The following SIPA1L1 variants were observed in gnomAD, a reference collection of about 807,000 sequenced individuals.
SIPA1L1 encodes the protein signal-induced proliferation-associated 1-like protein 1.
SIPA1L1 carries 26 observed loss-of-function variants against 162.7 expected under a neutral mutation model. The observed-to-expected ratio is 0.16, with a 90% CI of 0.12 to 0.22. SIPA1L1 has a LOEUF of 0.22. Ranked by LOEUF, SIPA1L1 falls within the 10% of genes least tolerant of loss-of-function variation. The pLI is 1.00. For missense variants in SIPA1L1, 1,874 were observed against 2,241.0 expected, an observed-to-expected ratio of 0.84 and a Z score of 3.31; for synonymous variants, 829 against 837.4, an observed-to-expected ratio of 0.99 and a Z score of 0.17.
At chr14:71,542,739 C>CT (rs1567176825) in intron 4 of SIPA1L1, among the ~76,000 whole-genome samples, 4 of 138,490 alleles carry the variant, frequency 2.9e-5, no homozygotes, top group Admixed American at 7.4e-5. Context: ...CCTCCTTCTT[C>CT]TCTCTCTCTC....
intron 2 of SIPA1L1, among the ~76,000 whole-genome samples, chr14:71,346,713 A>G (rs1212473511): frequency 6.6e-6 from 1 of 152,256 alleles, no homozygotes; most frequent in African/African-American, 2.4e-5. Context: ...TAATTCACAC[A>G]TTATACAGTT....
chr14:71,537,005 T>C (rs943687934), intron 4 of SIPA1L1, among the ~76,000 whole-genome samples: 4 of 152,160 alleles, frequency 2.6e-5, no homozygotes, highest in Non-Finnish European at 5.9e-5. Flanking sequence ...TTCTGAACTC[T>C]TGTCTTCTTA....
intron 2 of SIPA1L1, among the ~76,000 whole-genome samples, chr14:71,503,656 A>G (rs1448607597): frequency 1.3e-5 from 2 of 152,164 alleles, no homozygotes; most frequent in Admixed American, 6.6e-5. Context: ...ATCGTCACTG[A>G]AATTGTTAAT....
Position 71,588,321 on chromosome 14 carries a change from A to G in SIPA1L1, c.449A>G (p.Asp150Gly), listed in dbSNP as rs143183851. The stretch of plus-strand genomic sequence containing the variant: ...AAGACAAGACCGTCGGAGAACATGG[A>G]CTCCAGATTTCTCATGCCTGAAGCC... Reference protein sequence around the residue: ...KNKTRPSENMDSRFLMPEAYP... With the variant: ...KNKTRPSENMGSRFLMPEAYP... The change falls in exon 5 of 24, where the codon GAC (aspartate) becomes GGC (glycine). Residue 150 changes from aspartate to glycine, a missense_variant. Asp to Gly is a moderately conservative substitution (Grantham distance 94, BLOSUM62 -1). Coordinates refer to ENST00000381232, the MANE Select transcript of SIPA1L1 (RefSeq NM_001386936.1). This position sits in a 1 kb window ranked among gnomAD's most constrained non-coding sequence, Gnocchi z 4.3. The G allele has an allele frequency of 6.2e-7, 1 of 1,613,566 alleles. No homozygotes were observed. The highest frequency in any genetic ancestry group is 1.3e-5 in the African/African-American group (1 of 74,888).
intron 3 of SIPA1L1, among the ~76,000 whole-genome samples, chr14:71,515,532 T>C (rs2051627420): frequency 6.6e-6 from 1 of 152,254 alleles, no homozygotes. Flanking sequence ...CTGAATCAGC[T>C]AGAACTGTCA....
intron 5 of SIPA1L1, among the ~76,000 whole-genome samples, chr14:71,605,277 A>G (rs991132744): frequency 6.6e-6 from 1 of 151,708 alleles, no homozygotes; most frequent in Admixed American, 6.6e-5. Context: ...TTTCTCATTC[A>G]TATTCTGATA....
At chr14:71,366,763 G>A (rs974050714) in intron 2 of SIPA1L1, among the ~76,000 whole-genome samples, 3 of 152,262 alleles carry the variant, frequency 2.0e-5, no homozygotes, top group Non-Finnish European at 4.4e-5. Flanking sequence ...ACTTGAGTCT[G>A]TTCTCTCTTT....
chr14:71,499,693 C>A (rs749779534), intron 2 of SIPA1L1, among the ~76,000 whole-genome samples: 3 of 151,930 alleles, frequency 2.0e-5, no homozygotes, highest in Non-Finnish European at 4.4e-5. Context: ...TAATCATTGC[C>A]CTAATTTTAG....
At chr14:71,384,613 C>T (rs574859942) in intron 2 of SIPA1L1, among the ~76,000 whole-genome samples, 24 of 152,244 alleles carry the variant, frequency 1.6e-4, no homozygotes, top group Non-Finnish European at 3.5e-4. Context: ...AAACATTTGC[C>T]ATGTTGTGGT....
At chr14:71,720,174 A>T (rs930166956) in intron 17 of SIPA1L1, among the ~76,000 whole-genome samples, 1 of 151,856 alleles carries the variant, frequency 6.6e-6, no homozygotes, top group Non-Finnish European at 1.5e-5. Context: ...TTGTACCTGG[A>T]TATTTATATC....
intron 2 of SIPA1L1, among the ~76,000 whole-genome samples, chr14:71,358,956 G>A (rs1338376889): frequency 6.6e-6 from 1 of 152,140 alleles, no homozygotes; most frequent in Non-Finnish European, 1.5e-5. Context: ...CCTTGCACCA[G>A]GCCCCACCTC....
At chr14:71,517,765 G>C (rs919519657) in intron 3 of SIPA1L1, among the ~76,000 whole-genome samples, 2 of 152,076 alleles carry the variant, frequency 1.3e-5, no homozygotes, top group African/African-American at 4.8e-5. Context: ...TAATTACTAA[G>C]GAAGGAAACT....
At chr14:71,564,785 G>A (rs987869773) in intron 4 of SIPA1L1, among the ~76,000 whole-genome samples, 1 of 152,018 alleles carries the variant, frequency 6.6e-6, no homozygotes, top group Non-Finnish European at 1.5e-5. Flanking sequence ...CACCACGCCC[G>A]GCCATCCTTG....
At position 71,707,719 on chromosome 14, in the gene SIPA1L1, A is replaced by AT. The variant is rs553896077; in HGVS notation, c.3766-1493dup. Among the ~76,000 whole-genome samples the AT allele has an allele frequency of 5.8e-3, 873 of 149,430 alleles. 14 individuals are homozygous for AT. The highest frequency in any genetic ancestry group is 0.019 in the African/African-American group (782 of 40,796). On this transcript the variant is annotated intron_variant, in intron 16 of 23. Transcript: ENST00000381232. ...CATATATTAGTTGATGGACACTTGG[A>AT]TTTTTTTTTTGTTTTACTTTTTGAC... is the stretch of plus-strand genomic sequence containing the variant.
chr14:71,479,976 C>T (rs1049676940), intron 2 of SIPA1L1, among the ~76,000 whole-genome samples: 4 of 151,930 alleles, frequency 2.6e-5, no homozygotes, highest in Non-Finnish European at 5.9e-5. Context: ...TGGGCTCAAG[C>T]GATCCTCCAG....
chr14:71,530,301 A>G (rs566516944), intron 4 of SIPA1L1, among the ~76,000 whole-genome samples: 1 of 152,310 alleles, frequency 6.6e-6, no homozygotes, highest in East Asian at 1.9e-4. Context: ...TAGTATTCAA[A>G]GACATGAGAA....
At chr14:71,666,211 A>G (rs374849891) in intron 10 of SIPA1L1, among the ~76,000 whole-genome samples, 1 of 152,234 alleles carries the variant, frequency 6.6e-6, no homozygotes, top group East Asian at 1.9e-4. Flanking sequence ...AATCTGATCA[A>G]GCTTCCAGAA....
At chr14:71,370,732 C>G (rs1048260535) in intron 2 of SIPA1L1, among the ~76,000 whole-genome samples, 8 of 152,126 alleles carry the variant, frequency 5.3e-5, no homozygotes, top group African/African-American at 1.9e-4. Flanking sequence ...TGCCCAAGGT[C>G]AGTTATGAAT....
chr14:71,609,094 C>T (rs1445792118), intron 5 of SIPA1L1, among the ~76,000 whole-genome samples: 1 of 151,806 alleles, frequency 6.6e-6, no homozygotes, highest in African/African-American at 2.4e-5. Context: ...ATATTTTTGT[C>T]CTGCTTCTAT....
Sources: gnomAD v4.1 joint callset for allele counts (sites outside exome capture counted in the v4.1 genomes callset) on GRCh38, gnomAD v4.1.1 for gene constraint, Gnocchi (gnomAD v3.1) non-coding constraint, MANE v1.5 for transcripts, NCBI Gene and HGNC (gene_info 2026-07-23, HGNC 2026-07-21) for gene names.